DAPK1: variants seen among roughly 807,000 people sequenced by gnomAD.
The protein encoded by DAPK1 is death-associated protein kinase 1.
DAPK1 carries 56 observed loss-of-function variants against 144.9 expected under a neutral mutation model. The ratio of observed to expected loss-of-function variants is 0.39; its 90% confidence interval spans 0.31 to 0.48. The LOEUF is 0.48. DAPK1 is among the 20% of genes least tolerant of loss of function. The probability of loss-of-function intolerance (pLI) is 0.95; values close to 1 mark genes in which losing one functional copy is unlikely to be tolerated. For missense variants in DAPK1, 1,454 were observed against 1,875.4 expected (o/e 0.78, Z 4.15); for synonymous variants, 690 against 749.0 (o/e 0.92, Z 1.29).
At chr9:87,703,487 GCCCTGGGTGACTGGGTCTCT>G (rs1256137559) in intron 25 of DAPK1, among the ~76,000 whole-genome samples, 1 of 152,104 alleles carries the variant, frequency 6.6e-6, no homozygotes, top group Admixed American at 6.5e-5. Flanking sequence ...AGTGCCCACT[GCCCTGGGTGACTGGGTCTCT>G]CTTCACTCCC....
At chr9:87,517,208 G>T (rs1825094756) in intron 2 of DAPK1, among the ~76,000 whole-genome samples, 1 of 151,986 alleles carries the variant, frequency 6.6e-6, no homozygotes, top group African/African-American at 2.4e-5. Flanking sequence ...CATCCACTTA[G>T]TGGGCACCGA....
rs1337056769 is a variant in DAPK1, at chr9:87,558,407, A to G, written c.63-46547A>G. On this transcript the variant is annotated intron_variant, in intron 2 of 25. Coordinates refer to ENST00000408954, the MANE Select transcript of DAPK1 (RefSeq NM_004938.4). ...AATAAATAAAGCAAGATGAAAAAGA[A>G]TGAAGGGATCTAGTCGAATAAGCTT... Among the ~76,000 whole-genome samples, 2 of 152,220 alleles carry G rather than the reference A, an allele frequency of 1.3e-5. 1 individual carries two copies.
At position 87,631,989 on chromosome 9, in the gene DAPK1, A is replaced by G. The variant is rs550460908; in HGVS notation, c.285-5954A>G. 8.4e-3 allele frequency: 6,031 copies of G among 716,872 alleles called. 56 individuals carry two copies. The highest frequency in any genetic ancestry group is 9.7e-3 in the Non-Finnish European group (5,669 of 583,336). The allele number at this position is 716,872 out of a possible 1,614,324, so 44.4% of individuals were successfully genotyped here. On this transcript the variant is annotated intron_variant, in intron 3 of 25. Transcript: ENST00000408954. ...ATGAGTATATATGTAGAAATAAAGG[A>G]AGATGAGTATATATGTAGAGATGAA...
intron 3 of DAPK1, among the ~76,000 whole-genome samples, chr9:87,624,238 A>G (rs1445016609): frequency 6.6e-6 from 1 of 152,072 alleles, no homozygotes; most frequent in East Asian, 1.9e-4. Context: ...CTCAGAGGGG[A>G]CCCCCTTCCA....
At chr9:87,505,873 A>G (rs976653230) in intron 2 of DAPK1, among the ~76,000 whole-genome samples, 3 of 151,882 alleles carry the variant, frequency 2.0e-5, no homozygotes, top group African/African-American at 7.3e-5. Flanking sequence ...TTTTTAGTAG[A>G]GGTGGGGTTT....
At chr9:87,544,589 G>T (rs755158394) in intron 2 of DAPK1, among the ~76,000 whole-genome samples, 1 of 152,096 alleles carries the variant, frequency 6.6e-6, no homozygotes, top group Non-Finnish European at 1.5e-5. Flanking sequence ...AACACAATAT[G>T]CAGCTTTCTG....
chr9:87,628,057 G>A (rs1045920479), intron 3 of DAPK1, among the ~76,000 whole-genome samples: 1 of 152,168 alleles, frequency 6.6e-6, no homozygotes, highest in Non-Finnish European at 1.5e-5. Flanking sequence ...CTGAACCCTT[G>A]AGCCATGTTC....
At chr9:87,593,201 C>T (rs1828201104) in intron 2 of DAPK1, among the ~76,000 whole-genome samples, 1 of 152,216 alleles carries the variant, frequency 6.6e-6, no homozygotes, top group Non-Finnish European at 1.5e-5. Context: ...CACCCAACTG[C>T]ACTAAATGCC....
chr9:87,661,322 A>G (rs1389914514), intron 18 of DAPK1, among the ~76,000 whole-genome samples: 1 of 152,170 alleles, frequency 6.6e-6, no homozygotes, highest in Non-Finnish European at 1.5e-5. Context: ...CTTCAGGTAG[A>G]TACCCAGTAG....
At chr9:87,583,535 C>T (rs1827826443) in intron 2 of DAPK1, among the ~76,000 whole-genome samples, 1 of 152,118 alleles carries the variant, frequency 6.6e-6, no homozygotes, top group Non-Finnish European at 1.5e-5. Flanking sequence ...ATGAATTGAC[C>T]CCAAGTTTAA....
chr9:87,661,530 A>C (rs1458792147), intron 18 of DAPK1, among the ~76,000 whole-genome samples: 1 of 152,150 alleles, frequency 6.6e-6, no homozygotes, highest in East Asian at 1.9e-4. Context: ...ATTGGTGTTA[A>C]GGTGATACTC....
At chr9:87,622,971 C>T (rs908898908) in intron 3 of DAPK1, among the ~76,000 whole-genome samples, 8 of 152,130 alleles carry the variant, frequency 5.3e-5, no homozygotes, top group Admixed American at 5.2e-4. Context: ...AGAACTGCAG[C>T]CTCCTGTTTG....
At chr9:87,646,154 T>C in intron 12 of DAPK1, 140 bp downstream of exon 12, 10 of 1,061,620 alleles carry the variant, frequency 9.4e-6, no homozygotes, top group Middle Eastern at 3.2e-4. Context: ...CACTTCTGTT[T>C]AGAAAGTGAT....
At position 87,563,939 on chromosome 9, in the gene DAPK1, C is replaced by T. The variant is rs147070602; in HGVS notation, c.63-41015C>T. Among the ~76,000 whole-genome samples, 134 of 152,308 alleles carry T rather than the reference C, an allele frequency of 8.8e-4. 2 individuals carry two copies. The highest frequency in any genetic ancestry group is 2.9e-3 in the African/African-American group (120 of 41,572). On this transcript the variant is annotated intron_variant, in intron 2 of 25. Transcript: ENST00000408954. ...CCCTGCTCATGCCCTCTGTGACAGC[C>T]GCGTAGACCTTCTTGCCACAATGGC...
chr9:87,632,335 G>T (rs757637535), intron 3 of DAPK1: 529 of 982,754 alleles, frequency 5.4e-4, no homozygotes, highest in Non-Finnish European at 6.1e-4. Flanking sequence ...GTAGGGACAA[G>T]GAGGATGAGT....
intron 18 of DAPK1, among the ~76,000 whole-genome samples, chr9:87,661,071 C>CT (rs1182190689): frequency 6.6e-6 from 1 of 152,204 alleles, no homozygotes; most frequent in Non-Finnish European, 1.5e-5. Flanking sequence ...ATCTCCTGAC[C>CT]TTGTGATCTG....
At chr9:87,671,070 G>A (rs1477310456) in intron 19 of DAPK1, among the ~76,000 whole-genome samples, 1 of 152,222 alleles carries the variant, frequency 6.6e-6, no homozygotes, top group Non-Finnish European at 1.5e-5. Flanking sequence ...GGGATGGTCG[G>A]ATCGGTGGTG....
chr9:87,650,171 A>G (rs1331135020), intron 16 of DAPK1, 53 bp downstream of exon 16: 1 of 1,575,310 alleles, frequency 6.3e-7, no homozygotes, highest in Non-Finnish European at 8.7e-7. Flanking sequence ...AGGGGTCTAG[A>G]GGGACCACAA....
At chr9:87,615,950 C>A (rs539826758) in intron 3 of DAPK1, among the ~76,000 whole-genome samples, 16 of 152,370 alleles carry the variant, frequency 1.1e-4, no homozygotes, top group African/African-American at 3.8e-4. Context: ...GCCTGCAAGG[C>A]CCCATTGTCT....
Sources: gnomAD v4.1 joint callset for allele counts (sites outside exome capture counted in the v4.1 genomes callset) on GRCh38, gnomAD v4.1.1 for gene constraint, MANE v1.5 for transcripts, NCBI Gene and HGNC (gene_info 2026-07-23, HGNC 2026-07-21) for gene names.